PCDH15: variants seen among roughly 807,000 people sequenced by gnomAD.
The protein encoded by PCDH15 is protocadherin-15.
In PCDH15, 129 loss-of-function variants were observed where a neutral mutation model predicts 178.5. The ratio of observed to expected loss-of-function variants is 0.72; its 90% CI spans 0.63 to 0.84. The LOEUF (loss-of-function observed/expected upper bound fraction) is 0.84. Ranked by LOEUF, PCDH15 falls within the 40% of genes least tolerant of loss-of-function variation. The probability of loss-of-function intolerance (pLI) is 0.00; values close to 1 mark genes in which losing one functional copy is unlikely to be tolerated. For synonymous variants in PCDH15, 800 were observed against 732.0 expected, an observed-to-expected ratio of 1.09 and a Z score of -1.50; for missense variants, 2,230 against 2,099.9, an observed-to-expected ratio of 1.06 and a Z score of -1.21.
chr10:55,428,909 T>C (rs1440338640), intron 2 of PCDH15, among the ~76,000 whole-genome samples: 12 of 152,036 alleles, frequency 7.9e-5, no homozygotes, highest in African/African-American at 2.9e-4. Flanking sequence ...AATTTATTGA[T>C]CTAGAGTGTA....
At chr10:55,046,136 A>G (rs957316433) in intron 2 of PCDH15, among the ~76,000 whole-genome samples, 8 of 152,062 alleles carry the variant, frequency 5.3e-5, no homozygotes, top group African/African-American at 1.9e-4. Flanking sequence ...CAAATTAAGC[A>G]AAACAGATTT....
intron 25 of PCDH15, among the ~76,000 whole-genome samples, chr10:53,928,518 C>T (rs2084771443): frequency 6.6e-6 from 1 of 152,000 alleles, no homozygotes; most frequent in Admixed American, 6.5e-5. Context: ...GATAATTTCC[C>T]TCATATCTAT....
Position 54,286,778 on chromosome 10 carries a change from A to T in PCDH15, c.876+30493T>A, listed in dbSNP as rs75499814. Among the ~76,000 whole-genome samples, 5 of 152,060 alleles carry T rather than the reference A, an allele frequency of 3.3e-5. No homozygotes were observed. In the East Asian group the frequency reaches 9.7e-4, roughly 29 times the overall value. On this transcript the variant is annotated intron_variant, in intron 8 of 37. Transcript: ENST00000644397. ...AGTAGCTTGGATTACAAGCACCACC[A>T]CCTTGCCAGGCTAATTTTTGTATTT... is the stretch of plus-strand genomic sequence containing the variant.
chr10:54,768,637 T>A (rs772695778), intron 1 of PCDH15, among the ~76,000 whole-genome samples: 3 of 152,142 alleles, frequency 2.0e-5, no homozygotes, highest in African/African-American at 7.2e-5. Context: ...TCCCAAATAA[T>A]TGGAATCTGA....
At chr10:55,550,433 T>A (rs1564449459) in intron 2 of PCDH15, among the ~76,000 whole-genome samples, 1 of 152,016 alleles carries the variant, frequency 6.6e-6, no homozygotes. Flanking sequence ...TGCCTAGGAG[T>A]ATGAGTCATA....
intron 3 of PCDH15, among the ~76,000 whole-genome samples, chr10:54,527,220 GA>G (rs975089406): frequency 1.3e-5 from 2 of 152,000 alleles, no homozygotes; most frequent in African/African-American, 4.8e-5. Flanking sequence ...TAATGATAAG[GA>G]AAAAAAGTTT....
intron 26 of PCDH15, among the ~76,000 whole-genome samples, chr10:53,878,078 T>G (rs73240448): frequency 0.014 from 2,110 of 151,728 alleles, 41 homozygotes; most frequent in African/African-American, 0.048. Flanking sequence ...AAGAATGTGT[T>G]CTTTCAGGTT....
intron 2 of PCDH15, among the ~76,000 whole-genome samples, chr10:55,593,934 C>T (rs2132134877): frequency 6.6e-6 from 1 of 151,892 alleles, no homozygotes; most frequent in East Asian, 1.9e-4. Flanking sequence ...AATTTCTATA[C>T]ATGTATTTAG....
chr10:54,197,280 T>C (rs2133940093), intron 10 of PCDH15, among the ~76,000 whole-genome samples: 1 of 152,092 alleles, frequency 6.6e-6, no homozygotes, highest in African/African-American at 2.4e-5. Flanking sequence ...ATGGTCATGC[T>C]GCACATAGGA....
rs572604575 is a variant in PCDH15 at position 54,379,528 on chromosome 10, T to C, written c.158-586A>G. Among the ~76,000 whole-genome samples the C allele has an allele frequency of 1.0e-3, 153 of 152,240 alleles. 7 individuals carry two copies. The South Asian group carries it at 0.031, about 31-fold the overall frequency. ...TCTTTAAGACATGTCTGGGTTACTC[T>C]ACTAGAACAACGCACTAGGCCAGTG... On this transcript the variant is annotated intron_variant, in intron 3 of 37. Transcript: ENST00000644397.
At chr10:54,134,198 A>C (rs115581087) in intron 14 of PCDH15, among the ~76,000 whole-genome samples, 2,496 of 132,254 alleles carry the variant, frequency 0.019, 323 homozygotes, top group African/African-American at 0.062. Context: ...CCTGTGTCAA[A>C]ATATCTGGCT....
At chr10:54,904,994 A>G (rs1187067312) in intron 2 of PCDH15, among the ~76,000 whole-genome samples, 1 of 151,738 alleles carries the variant, frequency 6.6e-6, no homozygotes, top group African/African-American at 2.4e-5. Flanking sequence ...TCTATTACCT[A>G]TTTTCGTTCT....
intron 2 of PCDH15, among the ~76,000 whole-genome samples, chr10:54,538,241 C>T (rs1291194199): frequency 6.6e-6 from 1 of 152,076 alleles, no homozygotes; most frequent in African/African-American, 2.4e-5. Context: ...ATTCTTACAG[C>T]TTGAGGTCTT....
At chr10:54,497,635 A>G (rs1169363264) in intron 3 of PCDH15, among the ~76,000 whole-genome samples, 3 of 152,200 alleles carry the variant, frequency 2.0e-5, no homozygotes, top group Non-Finnish European at 4.4e-5. Context: ...CACTACAGCA[A>G]TTTCAGAATA....
At chr10:54,716,336 T>A (rs776965223) in intron 1 of PCDH15, among the ~76,000 whole-genome samples, 1 of 152,138 alleles carries the variant, frequency 6.6e-6, no homozygotes, top group South Asian at 2.1e-4. Flanking sequence ...CCTACTGGCC[T>A]AGAGTTTGAA....
intron 2 of PCDH15, among the ~76,000 whole-genome samples, chr10:55,435,251 G>A (rs1470887213): frequency 1.3e-5 from 2 of 152,056 alleles, no homozygotes; most frequent in African/African-American, 4.8e-5. Context: ...AGGTACGAAG[G>A]TATTGATACA....
intron 3 of PCDH15, among the ~76,000 whole-genome samples, chr10:54,818,181 G>T (rs988924979): frequency 7.2e-5 from 11 of 151,742 alleles, no homozygotes; most frequent in Non-Finnish European, 1.2e-4. Context: ...ATATAGTTTA[G>T]AATGTTCATG....
At chr10:54,996,978 G>A (rs900052576) in intron 2 of PCDH15, among the ~76,000 whole-genome samples, 21 of 151,740 alleles carry the variant, frequency 1.4e-4, no homozygotes, top group African/African-American at 4.8e-4. Flanking sequence ...GTGTAGTGGC[G>A]GGCGCCTGCA....
chr10:54,040,831 TG>T (rs1729639411), intron 18 of PCDH15, among the ~76,000 whole-genome samples: 1 of 152,062 alleles, frequency 6.6e-6, no homozygotes, highest in African/African-American at 2.4e-5. Context: ...CATATATGTG[TG>T]TCTAAATGTA....
Sources: allele counts gnomAD v4.1 joint callset (sites outside exome capture counted in the v4.1 genomes callset), GRCh38; gene constraint gnomAD v4.1.1; transcripts MANE v1.5; gene names NCBI Gene and HGNC (gene_info 2026-07-23, HGNC 2026-07-21).